MACROD2: variants seen among roughly 807,000 people sequenced by gnomAD.
The protein encoded by MACROD2 is mono-ADP ribosylhydrolase 2.
MACROD2 carries 36 observed loss-of-function variants against 70.4 expected under a neutral mutation model. The observed-to-expected ratio is 0.51, with a 90% confidence interval of 0.39 to 0.68. The LOEUF is 0.68. Among genes scored for constraint, MACROD2 ranks in the 30% least tolerant of loss-of-function variants. The pLI, the probability that MACROD2 is intolerant of heterozygous loss-of-function variation, is 0.00. For synonymous variants in MACROD2, 172 were observed against 178.8 expected, an observed-to-expected ratio of 0.96 and a Z score of 0.30; for missense variants, 496 against 538.4, an observed-to-expected ratio of 0.92 and a Z score of 0.78.
chr20:14,557,126 A>C (rs995512715), intron 4 of MACROD2, among the ~76,000 whole-genome samples: 2 of 152,002 alleles, frequency 1.3e-5, no homozygotes, highest in African/African-American at 4.8e-5. Flanking sequence ...AATGGGAGAA[A>C]GAATAGTGTT....
At chr20:14,062,726 G>T (rs2053704839) in intron 2 of MACROD2, among the ~76,000 whole-genome samples, 1 of 152,162 alleles carries the variant, frequency 6.6e-6, no homozygotes, top group Admixed American at 6.5e-5. Context: ...GAATTGGTAG[G>T]ATTTAGAGAC....
chr20:14,004,811 T>A (rs1032061618), intron 2 of MACROD2, among the ~76,000 whole-genome samples: 1 of 152,174 alleles, frequency 6.6e-6, no homozygotes, highest in Non-Finnish European at 1.5e-5. Context: ...TTAAAAGAAT[T>A]CTATAATTCC....
chr20:15,616,393 C>T (rs1031860289), intron 8 of MACROD2, among the ~76,000 whole-genome samples: 4 of 152,084 alleles, frequency 2.6e-5, no homozygotes, highest in African/African-American at 7.2e-5. Context: ...CGTGAGCCAC[C>T]GTGCCCAGCC....
intron 3 of MACROD2, among the ~76,000 whole-genome samples, chr20:14,401,125 A>G (rs1308884694): frequency 6.6e-6 from 1 of 152,168 alleles, no homozygotes; most frequent in Non-Finnish European, 1.5e-5. Context: ...AATTAACTAA[A>G]TTGAGCAGAT....
At chr20:15,654,322 G>C (rs1212181929) in intron 8 of MACROD2, among the ~76,000 whole-genome samples, 2 of 152,134 alleles carry the variant, frequency 1.3e-5, no homozygotes, top group African/African-American at 2.4e-5. Context: ...GGTGCCAGGA[G>C]CTCCCCCTAG....
At chr20:15,068,109 G>A (rs148953689) in intron 5 of MACROD2, among the ~76,000 whole-genome samples, 23 of 152,138 alleles carry the variant, frequency 1.5e-4, no homozygotes, top group African/African-American at 5.3e-4. Flanking sequence ...TACACTGGAT[G>A]GATATTTCTC....
intron 5 of MACROD2, among the ~76,000 whole-genome samples, chr20:14,941,668 T>C (rs944975714): frequency 2.0e-5 from 3 of 152,120 alleles, no homozygotes; most frequent in Non-Finnish European, 4.4e-5. Context: ...ATATATTTGG[T>C]TTTGTTTTTC....
chr20:14,856,455 C>T (rs1330631871), intron 5 of MACROD2, among the ~76,000 whole-genome samples: 2 of 152,098 alleles, frequency 1.3e-5, no homozygotes, highest in South Asian at 2.1e-4. Flanking sequence ...TACACAAACA[C>T]GCCCTATTGA....
At chr20:14,521,027 G>A (rs1398409734) in intron 4 of MACROD2, among the ~76,000 whole-genome samples, 1 of 152,048 alleles carries the variant, frequency 6.6e-6, no homozygotes, top group African/African-American at 2.4e-5. Context: ...GAAAATTCCT[G>A]GGGAGACATG....
rs2122841242 is a variant in MACROD2 at position 14,402,785 on chromosome 20, A to G, written c.272-90694A>G. Among the ~76,000 whole-genome samples the G allele has an allele frequency of 1.3e-5, 2 of 152,268 alleles. 1 individual carries two copies. The highest frequency in any genetic ancestry group is 2.9e-5 in the Non-Finnish European group (2 of 68,010). ...AAGAAACCTTCTTCCTTAGAGGAAA[A>G]ACAGTTTCAGAGTCTTGGGGTATTC... On this transcript the variant is annotated intron_variant, in intron 3 of 17. Coordinates refer to ENST00000684519, the MANE Select transcript of MACROD2 (RefSeq NM_001351661.2).
chr20:15,068,220 T>C (rs935076267), intron 5 of MACROD2, among the ~76,000 whole-genome samples: 1 of 152,194 alleles, frequency 6.6e-6, no homozygotes, highest in Non-Finnish European at 1.5e-5. Flanking sequence ...CACTGAATAA[T>C]TGTTATTGTA....
chr20:14,142,398 C>T (rs899585725), intron 3 of MACROD2, among the ~76,000 whole-genome samples: 15 of 152,134 alleles, frequency 9.9e-5, no homozygotes, highest in African/African-American at 1.2e-4. Flanking sequence ...TTCAGCTTGG[C>T]GCTTTACCAT....
chr20:14,741,378 A>G (rs930665859), intron 5 of MACROD2, among the ~76,000 whole-genome samples: 1 of 152,152 alleles, frequency 6.6e-6, no homozygotes, highest in African/African-American at 2.4e-5. Flanking sequence ...TGTTGGCGCT[A>G]TTATTACCAC....
intron 8 of MACROD2, among the ~76,000 whole-genome samples, chr20:15,732,057 A>G (rs1207653139): frequency 6.7e-6 from 1 of 148,342 alleles, no homozygotes. Context: ...TGCCTGGCCA[A>G]GTTTGCAGCA....
chr20:15,165,853 C>A (rs1021116561), intron 5 of MACROD2, among the ~76,000 whole-genome samples: 6 of 151,830 alleles, frequency 4.0e-5, no homozygotes, highest in African/African-American at 1.2e-4. Context: ...ATCAAAAATT[C>A]AAAATAATAT....
intron 5 of MACROD2, among the ~76,000 whole-genome samples, chr20:15,134,194 C>G (rs1240420788): frequency 6.8e-6 from 1 of 147,270 alleles, no homozygotes; most frequent in African/African-American, 2.5e-5. Flanking sequence ...CGTGAGCCAC[C>G]GTGCCCGGCT....
chr20:15,919,699 G>C (rs934550922), intron 10 of MACROD2, among the ~76,000 whole-genome samples: 3 of 152,042 alleles, frequency 2.0e-5, no homozygotes. Flanking sequence ...CGCGCCACTG[G>C]ACTCCAGCCA....
chr20:15,508,814 G>A (rs2047461832), intron 8 of MACROD2, among the ~76,000 whole-genome samples: 1 of 152,194 alleles, frequency 6.6e-6, no homozygotes. Flanking sequence ...TACCATTTTG[G>A]AAGGTTCTTC....
chr20:15,120,375 T>C (rs1220347953), intron 5 of MACROD2, among the ~76,000 whole-genome samples: 1 of 152,182 alleles, frequency 6.6e-6, no homozygotes, highest in Admixed American at 6.5e-5. Flanking sequence ...TTGTGAACTT[T>C]ATCTCAGACT....
Sources: gnomAD v4.1 joint callset for allele counts (sites outside exome capture counted in the v4.1 genomes callset) on GRCh38, gnomAD v4.1.1 for gene constraint, MANE v1.5 for transcripts, NCBI Gene and HGNC (gene_info 2026-07-23, HGNC 2026-07-21) for gene names.